BFAR: variants seen among roughly 807,000 people sequenced by gnomAD.
The protein encoded by BFAR is bifunctional apoptosis regulator.
In BFAR, 52 loss-of-function variants were observed where a neutral mutation model predicts 54.4. The observed-to-expected ratio is 0.96, with a 90% CI of 0.77 to 1.21. The LOEUF is 1.21. Among genes scored for constraint, BFAR ranks in the 50% most tolerant of loss-of-function variants. The pLI, the probability that BFAR is intolerant of heterozygous loss-of-function variation, is 0.00. For missense variants in BFAR, 571 were observed against 534.0 expected, an observed-to-expected ratio of 1.07 and a Z score of -0.68; for synonymous variants, 215 against 204.3, an observed-to-expected ratio of 1.05 and a Z score of -0.45.
chr16:14,662,805 G>A (rs563795061), intron 6 of BFAR, among the ~76,000 whole-genome samples: 2 of 152,260 alleles, frequency 1.3e-5, no homozygotes, highest in African/African-American at 4.8e-5. Context: ...CAGACACCGA[G>A]TTAAAGAAGG....
At chr16:14,642,705 G>A (rs57285271) in intron 1 of BFAR, among the ~76,000 whole-genome samples, 6 of 152,230 alleles carry the variant, frequency 3.9e-5, no homozygotes, top group East Asian at 3.9e-4. Flanking sequence ...GGAATTGCTC[G>A]CATTAGAGCC....
At chr16:14,665,472 G>C (rs1329285659) in intron 7 of BFAR, among the ~76,000 whole-genome samples, 1 of 152,124 alleles carries the variant, frequency 6.6e-6, no homozygotes, top group Non-Finnish European at 1.5e-5. Context: ...GGCAAATTCA[G>C]TTTCTCAGAA....
rs751262804 is a variant in BFAR at position 14,662,011 on chromosome 16, C to T, written c.903C>T (p.Thr301=). 91 of 1,614,070 alleles carry T rather than the reference C, an allele frequency of 5.6e-5. No individual in the cohort carries two copies. The highest frequency in any genetic ancestry group is 7.5e-5 in the Non-Finnish European group (89 of 1,180,050). ...ACACCTTCCTACCTTTCATCCACAC[C>T]ATCTGCCCTCTGCAAGAAGACAGCT... ...YTDTFLPFIH[T]ICPLQEDSSG... Residue 301 remains threonine (T), a synonymous_variant, in exon 6 of 8, where the codon ACC becomes ACT. Transcript: ENST00000261658.
At position 14,644,361 on chromosome 16, in the gene BFAR, G is replaced by C; in HGVS notation, c.15G>C (p.Gln5His). 6.2e-7 allele frequency: 1 copy of C among 1,613,654 alleles called. No individual in the cohort carries two copies. Among genetic ancestry groups the C allele is most frequent in the Middle Eastern group, 1.7e-4 (1 of 6,060 alleles). ...TTTGCTAAGAGATGGAGGAACCTCAGAAAAGCTATGTGAACACAATGGACC... is the reference window on the plus strand; with the variant it reads ...TTTGCTAAGAGATGGAGGAACCTCACAAAAGCTATGTGAACACAATGGACC... MEEPQKSYVNTMDLE... is the reference protein window; with the variant it reads MEEPHKSYVNTMDLE... Residue 5 changes from glutamine to histidine, a missense_variant, in exon 2 of 8, where the codon CAG becomes CAC. By Grantham distance (24) the Gln-to-His change is conservative (BLOSUM62 0). Coordinates refer to ENST00000261658, the MANE Select transcript of BFAR (RefSeq NM_016561.3).
Position 14,649,806 on chromosome 16 carries a change from G to A in BFAR, c.471G>A (p.Val157=), listed in dbSNP as rs772863445. ...GVLTALTGVA[V]VLLVYHWSSR... is the part of the protein sequence containing the mutation. The stretch of plus-strand genomic sequence containing the variant: ...AAGTCCCTGTCACTTTTCCCCAGGT[G>A]GTCCTGCTCGTCTATCACTGGAGCA... Residue 157 remains valine, a splice_region_variant and synonymous_variant, in exon 4 of 8, where the codon GTG becomes GTA. Coordinates refer to ENST00000261658, the MANE Select transcript of BFAR (RefSeq NM_016561.3). 6.3e-7 allele frequency: 1 copy of A among 1,596,396 alleles called. No homozygotes were observed. The highest frequency in any genetic ancestry group is 8.6e-7 in the Non-Finnish European group (1 of 1,168,596).
chr16:14,655,468 C>G (rs1220977544), intron 5 of BFAR, among the ~76,000 whole-genome samples: 1 of 150,838 alleles, frequency 6.6e-6, no homozygotes, highest in Non-Finnish European at 1.5e-5. Flanking sequence ...ATTACCCTAC[C>G]CAGCTAATTT....
At chr16:14,655,001 C>CT in intron 4 of BFAR, 65 bp from the exon 5 acceptor site, 3 of 1,402,232 alleles carry the variant, frequency 2.1e-6, no homozygotes, top group East Asian at 2.5e-5. Flanking sequence ...AGATGGAACT[C>CT]TGAGTGTAGA....
At chr16:14,657,051 T>C (rs1409326729) in intron 5 of BFAR, among the ~76,000 whole-genome samples, 2 of 150,814 alleles carry the variant, frequency 1.3e-5, no homozygotes, top group African/African-American at 2.4e-5. Flanking sequence ...TGCAGTGAGC[T>C]GAGATGGTGC....
At chr16:14,637,709 A>T (rs1450089599) in intron 1 of BFAR, among the ~76,000 whole-genome samples, 1 of 151,912 alleles carries the variant, frequency 6.6e-6, no homozygotes, top group African/African-American at 2.4e-5. Context: ...CCTGCTTGTA[A>T]TCCCAGCTAC....
At chr16:14,645,103 C>G (rs749791761) in intron 2 of BFAR, among the ~76,000 whole-genome samples, 10 of 152,194 alleles carry the variant, frequency 6.6e-5, no homozygotes, top group Admixed American at 2.6e-4. Context: ...TGCTTGACAC[C>G]AGGAATTTAG....
rs550311426 is a variant in BFAR, at chr16:14,648,256, A to G, written c.264-132A>G. 36 of 694,646 alleles carry G rather than the reference A, an allele frequency of 5.2e-5. No homozygotes were observed. The African/African-American group carries it at 6.5e-4, about 12-fold the overall frequency. The allele number at this position is 694,646 out of a possible 1,614,324, so 43.0% of individuals were successfully genotyped here. A position where few individuals can be genotyped will look rare whatever the true frequency, so the allele number is the denominator to read the frequency against. On this transcript the variant is annotated intron_variant, in intron 2 of 7. Coordinates refer to ENST00000261658, the MANE Select transcript of BFAR (RefSeq NM_016561.3). ...ATTTTTTGCTTTTACCCACAGGACT[A>G]TAATACATTTCTTGTCAGTTCTCCT...
chr16:14,659,394 A>G (rs1960225507), intron 5 of BFAR, among the ~76,000 whole-genome samples: 1 of 151,280 alleles, frequency 6.6e-6, no homozygotes, highest in Admixed American at 6.6e-5. Flanking sequence ...GGTGCCCACC[A>G]CCACACCGGC....
intron 2 of BFAR, among the ~76,000 whole-genome samples, chr16:14,647,423 C>T (rs184455939): frequency 5.9e-5 from 9 of 151,896 alleles, no homozygotes; most frequent in African/African-American, 1.4e-4. Flanking sequence ...AGGCTGGGTG[C>T]GGTGGCTCAT....
At position 14,648,417 on chromosome 16, in the gene BFAR, C is replaced by T. The variant is rs1297792907; in HGVS notation, c.293C>T (p.Ala98Val). Reference protein sequence around the residue: ...RDAIEKLFPDAIRLRFEDIQQ... With the variant: ...RDAIEKLFPDVIRLRFEDIQQ... ...GCCATTGAAAAGTTATTTCCTGATG[C>T]CATTAGACTGAGATTTGAAGACATT... The change falls in exon 3 of 8, where the codon GCC (alanine) becomes GTC (valine). Residue 98 changes from alanine to valine, a missense_variant. Ala to Val is a moderately conservative substitution (Grantham distance 64). Transcript: ENST00000261658. The T allele has an allele frequency of 6.2e-7, 1 of 1,613,298 alleles. No individual in the cohort carries two copies. Among genetic ancestry groups the T allele is most frequent in the Admixed American group, 1.7e-5 (1 of 59,990 alleles).
intron 1 of BFAR, among the ~76,000 whole-genome samples, chr16:14,643,014 A>G (rs1959673255): frequency 6.6e-6 from 1 of 152,136 alleles, no homozygotes; most frequent in African/African-American, 2.4e-5. Flanking sequence ...CACCTCTACT[A>G]AAAATACAAA....
chr16:14,658,866 T>C (rs890654290), intron 5 of BFAR, among the ~76,000 whole-genome samples: 5 of 152,002 alleles, frequency 3.3e-5, no homozygotes, highest in Non-Finnish European at 7.4e-5. Flanking sequence ...AAAATTACAA[T>C]ATCACCATTG....
intron 2 of BFAR, among the ~76,000 whole-genome samples, chr16:14,644,931 C>T (rs1348371287): frequency 1.3e-5 from 2 of 152,134 alleles, no homozygotes; most frequent in African/African-American, 2.4e-5. Context: ...TCCAGATTCT[C>T]TTCCTCATAG....
chr16:14,656,416 C>G (rs959803736), intron 5 of BFAR, among the ~76,000 whole-genome samples: 8 of 151,232 alleles, frequency 5.3e-5, no homozygotes, highest in African/African-American at 1.7e-4. Flanking sequence ...CAGCCATTTG[C>G]GAGGCTGAGG....
At chr16:14,652,473 GT>G (rs1406326062) in intron 4 of BFAR, among the ~76,000 whole-genome samples, 1 of 151,490 alleles carries the variant, frequency 6.6e-6, no homozygotes, top group African/African-American at 2.4e-5. Flanking sequence ...TAGAGATGGG[GT>G]TTCGCCATGT....
Sources: allele counts gnomAD v4.1 joint callset (sites outside exome capture counted in the v4.1 genomes callset), GRCh38; gene constraint gnomAD v4.1.1; transcripts MANE v1.5; gene names NCBI Gene and HGNC (gene_info 2026-07-23, HGNC 2026-07-21).